Variants in AKAP10 observed in about 807,000 individuals in gnomAD.
The protein encoded by AKAP10 is A-kinase anchor protein 10, mitochondrial.
A neutral mutation model predicts 80.8 loss-of-function variants in AKAP10; 24 were observed. The ratio of observed to expected loss-of-function variants is 0.30; its 90% CI spans 0.22 to 0.42. AKAP10 has a LOEUF of 0.42. AKAP10 is among the 10% of genes least tolerant of loss of function. AKAP10 has a pLI of 1.00. For synonymous variants in AKAP10, 291 were observed against 277.7 expected (o/e 1.05, Z -0.48); for missense variants, 661 against 794.9 (o/e 0.83, Z 2.03).
Position 19,931,869 on chromosome 17 carries a change from G to A in AKAP10, c.1577C>T (p.Ala526Val). The change falls in exon 10 of 15, where the codon GCT becomes GTT. Residue 526 changes from alanine (A) to valine (V), a missense_variant. Coordinates refer to ENST00000225737, the MANE Select transcript of AKAP10 (RefSeq NM_007202.4). ...EFLGGNVSLT[A>V]PGSVGPPDES... The stretch of plus-strand genomic sequence containing the variant: ...ATCAGGAGGGCCAACAGAGCCAGGA[G>A]CAGTCAGCGACACGTTCCCGCCCAG... The A allele has an allele frequency of 1.2e-6, 2 of 1,614,136 alleles. No individual in the cohort carries two copies. Among genetic ancestry groups the A allele is most frequent in the Non-Finnish European group, 1.7e-6 (2 of 1,180,038 alleles).
At position 19,977,777 on chromosome 17, in the gene AKAP10, T is replaced by C; in HGVS notation, c.-98A>G. ...AGTGGGCCCCACCGCCTCCTCGGGA[T>C]GCCCAGGCAGCTCCAGCCGCCATAT... On this transcript the variant is annotated 5_prime_UTR_variant, in exon 1 of 15. Coordinates refer to ENST00000225737, the MANE Select transcript of AKAP10 (RefSeq NM_007202.4). The C allele has an allele frequency of 1.4e-6, 1 of 706,094 alleles. No individual in the cohort carries two copies. Among genetic ancestry groups the C allele is most frequent in the Non-Finnish European group, 2.0e-6 (1 of 506,198 alleles). 43.7% of individuals were successfully genotyped at this position (706,094 alleles called of 1,614,324 possible). A position where few individuals can be genotyped will look rare whatever the true frequency, so the allele number is the denominator to read the frequency against.
intron 11 of AKAP10, among the ~76,000 whole-genome samples, chr17:19,923,558 G>A (rs1330923903): frequency 2.0e-5 from 3 of 151,250 alleles, no homozygotes; most frequent in African/African-American, 7.3e-5. Context: ...CAAGAGTCTC[G>A]CTCCACTGCG....
chr17:19,947,636 C>T (rs1463038924), intron 4 of AKAP10, 131 bp from the exon 5 acceptor site: 4 of 724,190 alleles, frequency 5.5e-6, no homozygotes, highest in Non-Finnish European at 9.7e-6. Context: ...CACAAAGGTG[C>T]TTTTTCATTG....
chr17:19,934,577 A>T (rs919593212), intron 9 of AKAP10, among the ~76,000 whole-genome samples: 1 of 152,214 alleles, frequency 6.6e-6, no homozygotes, highest in Non-Finnish European at 1.5e-5. Flanking sequence ...AAAGTAGTTA[A>T]CATTTTTTGA....
chr17:19,955,275 A>C (rs2043262327), intron 4 of AKAP10, among the ~76,000 whole-genome samples: 1 of 152,170 alleles, frequency 6.6e-6, no homozygotes, highest in Admixed American at 6.5e-5. Context: ...GAGACGGAGA[A>C]AGATCAGCGG....
intron 10 of AKAP10, among the ~76,000 whole-genome samples, chr17:19,931,095 G>C (rs1481991262): frequency 1.3e-5 from 2 of 151,868 alleles, no homozygotes; most frequent in African/African-American, 4.8e-5. Context: ...GATTATTTGA[G>C]CCCAGAATTT....
At chr17:19,916,519 A>G (rs778903867) in intron 12 of AKAP10, among the ~76,000 whole-genome samples, 39 of 152,192 alleles carry the variant, frequency 2.6e-4, no homozygotes, top group South Asian at 1.0e-3. Flanking sequence ...CTTAATTCAT[A>G]TAAAACAAAC....
intron 12 of AKAP10, among the ~76,000 whole-genome samples, chr17:19,917,985 C>A (rs774056440): frequency 6.6e-6 from 1 of 151,974 alleles, no homozygotes; most frequent in East Asian, 1.9e-4. Flanking sequence ...CTTTGGGAGG[C>A]CGAGGTGGGC....
intron 1 of AKAP10, among the ~76,000 whole-genome samples, chr17:19,970,960 G>A (rs1477010192): frequency 6.6e-6 from 1 of 151,710 alleles, no homozygotes; most frequent in African/African-American, 2.4e-5. Context: ...AGAGTGCAGT[G>A]GCCTGATAAC....
chr17:19,919,077 G>GC (rs1422337354), intron 12 of AKAP10, among the ~76,000 whole-genome samples: 1 of 76,474 alleles, frequency 1.3e-5, no homozygotes. Flanking sequence ...TCCTCCCCCA[G>GC]CCCCCCACCC....
At position 19,977,474 on chromosome 17, in the gene AKAP10, G is replaced by A. The variant is rs116357599; in HGVS notation, c.88+118C>T. The stretch of plus-strand genomic sequence containing the variant: ...AAGGCACTCAGGGGGCATCTGCGCC[G>A]AGGTCGAGGCTCGCTGAAGGCCTTG... On this transcript the variant is annotated intron_variant, in intron 1 of 14. Coordinates refer to ENST00000225737, the MANE Select transcript of AKAP10 (RefSeq NM_007202.4). 742 of 759,602 alleles carry A rather than the reference G, an allele frequency of 9.8e-4. 1 individual carries two copies. In the African/African-American group the frequency reaches 0.012, roughly 12 times the overall value. 47.1% of individuals were successfully genotyped at this position (759,602 alleles called of 1,614,324 possible). A position where few individuals can be genotyped will look rare whatever the true frequency, so the allele number is the denominator to read the frequency against.
chr17:19,906,032 T>A lies in AKAP10; in HGVS notation c.*195A>T, dbSNP rs1390692149. ...CTTTAAGACTCTCACTGTGTGAACA[T>A]CATGTGCATCAATTATGCCTACAGG... is the stretch of plus-strand genomic sequence containing the variant. On this transcript the variant is annotated 3_prime_UTR_variant, in exon 15 of 15. Transcript: ENST00000225737. The A allele has an allele frequency of 5.2e-6, 3 of 580,198 alleles. No individual in the cohort carries two copies. Among genetic ancestry groups the A allele is most frequent in the Non-Finnish European group, 9.2e-6 (3 of 326,412 alleles). 35.9% of individuals were successfully genotyped at this position (580,198 alleles called of 1,614,324 possible).
intron 12 of AKAP10, among the ~76,000 whole-genome samples, chr17:19,912,712 C>CA (rs1463291602): frequency 2.0e-5 from 3 of 151,976 alleles, no homozygotes; most frequent in Non-Finnish European, 4.4e-5. Context: ...AAGACTGTCT[C>CA]AAAAAAAGAA....
At chr17:19,938,884 C>G (rs1406595227) in intron 8 of AKAP10, among the ~76,000 whole-genome samples, 3 of 152,000 alleles carry the variant, frequency 2.0e-5, no homozygotes, top group Non-Finnish European at 4.4e-5. Flanking sequence ...AGGCGCACGC[C>G]ATCACGCTCA....
intron 7 of AKAP10, among the ~76,000 whole-genome samples, chr17:19,940,112 T>C (rs1003436994): frequency 6.6e-6 from 1 of 152,176 alleles, no homozygotes; most frequent in Non-Finnish European, 1.5e-5. Context: ...AGAGTAAAAA[T>C]TATACTAAAC....
chr17:19,959,611 T>C (rs1216863178), intron 3 of AKAP10, among the ~76,000 whole-genome samples: 1 of 152,232 alleles, frequency 6.6e-6, no homozygotes, highest in African/African-American at 2.4e-5. Flanking sequence ...ATTTATCTTA[T>C]ATTTAACTAA....
At chr17:19,962,299 C>T (rs867949993) in intron 3 of AKAP10, among the ~76,000 whole-genome samples, 27 of 112,802 alleles carry the variant, frequency 2.4e-4, no homozygotes, top group African/African-American at 7.6e-4. Context: ...TACATATACA[C>T]ACACACACAC....
chr17:19,949,877 G>C (rs1368635240), intron 4 of AKAP10, among the ~76,000 whole-genome samples: 1 of 151,492 alleles, frequency 6.6e-6, no homozygotes, highest in East Asian at 1.9e-4. Context: ...TGGTGGTTAA[G>C]TTTTCTACAT....
rs1317727588 is a variant in AKAP10 at position 19,904,802 on chromosome 17, C to T, written c.*1425G>A. The T allele has an allele frequency of 6.6e-6, 1 of 151,908 alleles. No individual in the cohort carries two copies. Among genetic ancestry groups the T allele is most frequent in the African/African-American group, 2.4e-5 (1 of 41,374 alleles). The allele number at this position is 151,908 out of a possible 1,614,324, so 9.4% of individuals were successfully genotyped here. A position where few individuals can be genotyped will look rare whatever the true frequency, so the allele number is the denominator to read the frequency against. On this transcript the variant is annotated 3_prime_UTR_variant, in exon 15 of 15. Coordinates refer to ENST00000225737, the MANE Select transcript of AKAP10 (RefSeq NM_007202.4). ...TATATATATATTTTAAAATCAAACA[C>T]AATTAAATATAATATGGTTTAAGTA... is the stretch of plus-strand genomic sequence containing the variant.
Sources: gnomAD v4.1 joint callset for allele counts (sites outside exome capture counted in the v4.1 genomes callset) on GRCh38, gnomAD v4.1.1 for gene constraint, MANE v1.5 for transcripts, NCBI Gene and HGNC (gene_info 2026-07-23, HGNC 2026-07-21) for gene names.